The following XKR6 variants were observed in gnomAD, a reference collection of about 807,000 sequenced individuals.
XKR6 encodes XK related 6.
In XKR6, 22 loss-of-function variants were observed where a neutral mutation model predicts 56.7. The observed-to-expected ratio is 0.39, with a 90% confidence interval of 0.28 to 0.55. The LOEUF is 0.55. Ranked by LOEUF, XKR6 falls within the 20% of genes least tolerant of loss-of-function variation. The probability of loss-of-function intolerance (pLI) is 0.66; values close to 1 mark genes in which losing one functional copy is unlikely to be tolerated. For missense variants in XKR6, 852 were observed against 889.0 expected (o/e 0.96, Z 0.53); for synonymous variants, 524 against 387.8 (o/e 1.35, Z -4.13).
At chr8:11,059,192 G>C (rs1022889825) in intron 1 of XKR6, among the ~76,000 whole-genome samples, 1 of 152,220 alleles carries the variant, frequency 6.6e-6, no homozygotes, top group Non-Finnish European at 1.5e-5. Context: ...CCGCGGTTTG[G>C]GCGCTCTGCC....
At chr8:10,913,640 G>T (rs1351468812) in intron 2 of XKR6, among the ~76,000 whole-genome samples, 2 of 152,238 alleles carry the variant, frequency 1.3e-5, no homozygotes, top group Non-Finnish European at 2.9e-5. Flanking sequence ...GCTCAGGGAT[G>T]GGGAGGGACC....
intron 1 of XKR6, among the ~76,000 whole-genome samples, chr8:10,984,566 C>G (rs1797807080): frequency 6.6e-6 from 1 of 151,496 alleles, no homozygotes; most frequent in Non-Finnish European, 1.5e-5. Flanking sequence ...AGAAACTCAG[C>G]TGATAAATGA....
At chr8:11,162,896 G>C (rs1446853552) in intron 1 of XKR6, among the ~76,000 whole-genome samples, 1 of 152,182 alleles carries the variant, frequency 6.6e-6, no homozygotes, top group Non-Finnish European at 1.5e-5. Flanking sequence ...AGTGTTTTAG[G>C]AGTTCACAGA....
intron 1 of XKR6, among the ~76,000 whole-genome samples, chr8:11,133,535 C>G (rs1016450302): frequency 2.0e-5 from 3 of 152,080 alleles, no homozygotes; most frequent in Admixed American, 1.3e-4. Context: ...CTGTTTCTCT[C>G]AGAGTACACA....
chr8:10,984,620 T>C (rs1367629224), intron 1 of XKR6, among the ~76,000 whole-genome samples: 5 of 148,986 alleles, frequency 3.4e-5, no homozygotes, highest in African/African-American at 1.2e-4. Context: ...AGTACAGAAT[T>C]AATAAGCAAA....
chr8:11,139,398 G>A (rs1800568500), intron 1 of XKR6, among the ~76,000 whole-genome samples: 1 of 152,122 alleles, frequency 6.6e-6, no homozygotes, highest in Non-Finnish European at 1.5e-5. Context: ...GCCACTAGAG[G>A]AGGCATGGGC....
intron 1 of XKR6, among the ~76,000 whole-genome samples, chr8:11,092,165 C>T (rs767908585): frequency 5.9e-5 from 9 of 152,186 alleles, no homozygotes; most frequent in Non-Finnish European, 1.0e-4. Flanking sequence ...TCATGCCAAA[C>T]TTAAAACTTT....
rs764395428 is a variant in XKR6 at position 11,201,041 on chromosome 8, G to T, written c.299C>A (p.Ala100Asp). 1.7e-6 allele frequency: 2 copies of T among 1,205,800 alleles called. No individual in the cohort carries two copies. Among genetic ancestry groups the T allele is most frequent in the East Asian group, 3.5e-5 (1 of 28,372 alleles). 74.7% of individuals were successfully genotyped at this position (1,205,800 alleles called of 1,614,324 possible). A position where few individuals can be genotyped will look rare whatever the true frequency, so the allele number is the denominator to read the frequency against. ...GGDQPLQPPAAPGAGRQPPTP... is the reference protein window; with the variant it reads ...GGDQPLQPPADPGAGRQPPTP... ...CGGGGGTTGGCGGCCGGCGCCGGGG[G>T]CCGCGGGAGGCTGCAGCGGCTGGTC... is the stretch of plus-strand genomic sequence containing the variant. The change falls in exon 1 of 3, where the codon GCC becomes GAC. Residue 100 changes from alanine to aspartate, a missense_variant. Ala to Asp is a moderately radical substitution (Grantham distance 126). Transcript: ENST00000416569.
At position 11,200,724 on chromosome 8, in the gene XKR6, T is replaced by TG. The variant is rs1804169264; in HGVS notation, c.615dup (p.Met206HisfsTer78). 2.5e-6 allele frequency: 4 copies of TG among 1,589,016 alleles called. No homozygotes were observed. The highest frequency in any genetic ancestry group is 1.8e-5 in the Admixed American group (1 of 56,350). ...CCGTGGACGTAGCCGGCCCCCATCA[T>TG]GGGGGGGCCCCGGCTGGTGAGCCCC... is the stretch of plus-strand genomic sequence containing the variant. On this transcript the variant is annotated frameshift_variant, in exon 1 of 3. Coordinates refer to ENST00000416569, the MANE Select transcript of XKR6 (RefSeq NM_173683.4). LOFTEE classifies it high-confidence loss of function. This position sits in a 1 kb window ranked among gnomAD's most constrained non-coding sequence, Gnocchi z 6.4.
intron 1 of XKR6, among the ~76,000 whole-genome samples, chr8:11,161,477 C>A (rs995499037): frequency 6.6e-6 from 1 of 152,228 alleles, no homozygotes; most frequent in Non-Finnish European, 1.5e-5. Context: ...TAACTTGCAT[C>A]TCACAAACTA....
At chr8:11,187,244 T>C (rs796736393) in intron 1 of XKR6, among the ~76,000 whole-genome samples, 10 of 152,234 alleles carry the variant, frequency 6.6e-5, no homozygotes, top group African/African-American at 2.4e-4. Flanking sequence ...AATGTAAAAG[T>C]GGACAAAAAT....
chr8:10,966,156 T>C (rs1802216201), intron 1 of XKR6, among the ~76,000 whole-genome samples: 1 of 152,096 alleles, frequency 6.6e-6, no homozygotes, highest in African/African-American at 2.4e-5. Flanking sequence ...CCGGACTACT[T>C]GAGTGGGAGG....
intron 1 of XKR6, among the ~76,000 whole-genome samples, chr8:11,079,370 G>A (rs908855393): frequency 1.4e-4 from 22 of 152,344 alleles, no homozygotes; most frequent in African/African-American, 5.3e-4. Context: ...TAAAGAAGCA[G>A]AATTCTATTT....
At chr8:10,931,910 C>T (rs562058645) in intron 1 of XKR6, among the ~76,000 whole-genome samples, 2 of 151,904 alleles carry the variant, frequency 1.3e-5, no homozygotes, top group African/African-American at 4.8e-5. Context: ...AAAAGACAAG[C>T]TACAGATTGG....
At chr8:11,133,200 A>C (rs1467920152) in intron 1 of XKR6, among the ~76,000 whole-genome samples, 1 of 139,314 alleles carries the variant, frequency 7.2e-6, no homozygotes, top group Non-Finnish European at 1.5e-5. Flanking sequence ...CAGTCATCAG[A>C]AGTAAGGTAT....
chr8:11,002,258 A>G (rs187799458), intron 1 of XKR6: 3 of 172,156 alleles, frequency 1.7e-5, no homozygotes, highest in Admixed American at 1.3e-4. Flanking sequence ...ATCCCATGGC[A>G]CACTTTCCTT....
rs372407135 is a variant in XKR6 at position 11,160,557 on chromosome 8, G to A, written c.764+40019C>T. On this transcript the variant is annotated intron_variant, in intron 1 of 2. Transcript: ENST00000416569. ...GTAGACTTTGTATAGCTCAGATAAA[G>A]CGAGGAAAGGCAGACTTTAACCTCT... Among the ~76,000 whole-genome samples, 3 of 152,174 alleles carry A rather than the reference G, an allele frequency of 2.0e-5. No individual in the cohort carries two copies. The East Asian group carries it at 5.8e-4, about 29-fold the overall frequency.
intron 1 of XKR6, among the ~76,000 whole-genome samples, chr8:10,986,279 T>G (rs1418007503): frequency 6.6e-6 from 1 of 152,152 alleles, no homozygotes; most frequent in African/African-American, 2.4e-5. Flanking sequence ...CTAAATAAAT[T>G]TCAGATGGAT....
chr8:10,994,389 C>T (rs891185886), intron 1 of XKR6, among the ~76,000 whole-genome samples: 63 of 152,334 alleles, frequency 4.1e-4, no homozygotes, highest in African/African-American at 1.4e-3. Context: ...CCCCATGCAG[C>T]GCTGGAGGGC....
Sources: allele counts gnomAD v4.1 joint callset (sites outside exome capture counted in the v4.1 genomes callset), GRCh38; gene constraint gnomAD v4.1.1; non-coding constraint Gnocchi (gnomAD v3.1); transcripts MANE v1.5; gene names NCBI Gene and HGNC (gene_info 2026-07-23, HGNC 2026-07-21).